INSL6: variants seen among roughly 807,000 people sequenced by gnomAD.
The protein encoded by INSL6 is insulin-like peptide INSL6.
Under a neutral mutation model 9.4 loss-of-function variants are expected in INSL6, and 16 were observed. That is an observed-to-expected ratio of 1.70 (90% CI 1.15 to 2.59). The LOEUF (loss-of-function observed/expected upper bound fraction) is 2.59. Ranked by LOEUF, INSL6 falls within the 30% of genes most tolerant of loss-of-function variation. INSL6 has a pLI of 0.00. For synonymous variants in INSL6, 154 were observed against 96.9 expected (o/e 1.59, Z -3.46); for missense variants, 391 against 257.3 (o/e 1.52, Z -3.56).
chr9:5,147,480 C>A (rs746534296), intron 2 of INSL6, among the ~76,000 whole-genome samples: 8 of 152,184 alleles, frequency 5.3e-5, no homozygotes, highest in Non-Finnish European at 1.2e-4. Context: ...CAAGTTGCTA[C>A]TGGCTTGATA....
At chr9:5,135,550 T>C (rs1824373897) in intron 2 of INSL6, among the ~76,000 whole-genome samples, 1 of 152,016 alleles carries the variant, frequency 6.6e-6, no homozygotes, top group Non-Finnish European at 1.5e-5. Context: ...TGAAGGCAGA[T>C]ATAAAGATGT....
At chr9:5,090,959 A>G in the INSL6 span, 2 of 1,274,194 alleles carry the variant, frequency 1.6e-6, no homozygotes, top group Non-Finnish European at 2.2e-6. Context: ...CACAGACTTC[A>G]AACTTTATTG....
chr9:5,103,849 A>C, the INSL6 span, among the ~76,000 whole-genome samples: 5 of 152,230 alleles, frequency 3.3e-5, no homozygotes, highest in African/African-American at 1.2e-4. Context: ...GACAGATATA[A>C]AGATGTTCTT....
At chr9:5,081,476 C>T in the INSL6 span, among the ~76,000 whole-genome samples, 2 of 152,258 alleles carry the variant, frequency 1.3e-5, no homozygotes, top group East Asian at 3.9e-4. Flanking sequence ...TATTACCTTA[C>T]TTTATGAATA....
At chr9:5,176,392 T>C (rs1251310063) in intron 1 of INSL6, among the ~76,000 whole-genome samples, 1 of 152,256 alleles carries the variant, frequency 6.6e-6, no homozygotes, top group Admixed American at 6.5e-5. Context: ...TTTCAAATAT[T>C]TACTTAATAA....
At chr9:5,153,763 G>A (rs1162270142) in intron 2 of INSL6, among the ~76,000 whole-genome samples, 10 of 152,116 alleles carry the variant, frequency 6.6e-5, no homozygotes, top group African/African-American at 9.7e-5. Context: ...TACAACTTAC[G>A]AGGGATGTGG....
chr9:5,151,113 G>A (rs1250224554), intron 2 of INSL6, among the ~76,000 whole-genome samples: 1 of 152,120 alleles, frequency 6.6e-6, no homozygotes, highest in African/African-American at 2.4e-5. Context: ...TGGATGATGA[G>A]AAATTAACTA....
the INSL6 span, among the ~76,000 whole-genome samples, chr9:5,106,832 A>G: frequency 6.6e-6 from 1 of 152,166 alleles, no homozygotes; most frequent in African/African-American, 2.4e-5. Context: ...TCTCACTCAT[A>G]GGTGGGAGTT....
chr9:5,048,511 A>C, the INSL6 span, among the ~76,000 whole-genome samples: 1 of 152,144 alleles, frequency 6.6e-6, no homozygotes, highest in Non-Finnish European at 1.5e-5. Context: ...ATCATCTTCT[A>C]CTTAAACAGT....
At chr9:5,041,312 C>A in the INSL6 span, 1 of 789,652 alleles carries the variant, frequency 1.3e-6, no homozygotes, top group Non-Finnish European at 2.1e-6. Context: ...GAAGCACATC[C>A]CGTGCAGCCA....
the INSL6 span, among the ~76,000 whole-genome samples, chr9:5,051,089 T>G: frequency 1.3e-5 from 2 of 152,134 alleles, no homozygotes; most frequent in African/African-American, 4.8e-5. Context: ...ATGTTGACGT[T>G]CAAAAAGTTC....
intron 1 of INSL6, among the ~76,000 whole-genome samples, chr9:5,178,524 T>A (rs956673506): frequency 6.6e-6 from 1 of 152,184 alleles, no homozygotes; most frequent in African/African-American, 2.4e-5. Context: ...AGAGCTCTGA[T>A]CTCACTCTGG....
Position 5,185,377 on chromosome 9 carries a change from T to G in INSL6, c.226A>C (p.Ser76Arg). Residue 76 changes from serine (S) to arginine (R), a missense_variant, in exon 1 of 2, where the codon AGC becomes CGC. Physicochemically the swap from Ser to Arg is moderately radical, Grantham distance 110 (BLOSUM62 -1). Transcript: ENST00000381641. ...TGCGGGCTTTCGAACTGGTATGGGC[T>G]GTAGGCTTCGACCTTCTCCGAGGCC... ...AQASEKVEAY[S>R]PYQFESPQTA... is the part of the protein sequence containing the mutation. 6.2e-7 allele frequency: 1 copy of G among 1,614,130 alleles called. No individual in the cohort carries two copies. The highest frequency in any genetic ancestry group is 8.5e-7 in the Non-Finnish European group (1 of 1,180,004).
chr9:5,173,280 G>T (rs147028058), intron 1 of INSL6, among the ~76,000 whole-genome samples: 1 of 152,100 alleles, frequency 6.6e-6, no homozygotes, highest in African/African-American at 2.4e-5. Context: ...TATACCCAAA[G>T]GAATATAAAT....
the INSL6 span, chr9:5,111,139 G>T: frequency 1.0e-6 from 1 of 991,976 alleles, no homozygotes; most frequent in Non-Finnish European, 1.5e-6. Flanking sequence ...GACGTTCAGC[G>T]AAGGCGCTCA....
At chr9:5,067,908 C>G in the INSL6 span, among the ~76,000 whole-genome samples, 1 of 151,988 alleles carries the variant, frequency 6.6e-6, no homozygotes, top group African/African-American at 2.4e-5. Flanking sequence ...AATACCAGCA[C>G]TTTAGGAGGC....
At chr9:5,123,054 T>G (rs1823735564), downstream of INSL6, 1 of 1,611,752 alleles carries the variant, frequency 6.2e-7, no homozygotes, top group Non-Finnish European at 8.5e-7. Context: ...GCCTCAGATG[T>G]TTGGAGCTTT....
chr9:5,164,251 C>T lies in INSL6; in HGVS notation c.304G>A (p.Glu102Lys), dbSNP rs997608073. ...RGTNPVSTSW[E>K]EAVNSWEMQS... ...ATTTCCCAACTGTTTACTGCTTCTT[C>T]CCAAGAAGTAGACACTGTTGAGAGA... Residue 102 changes from glutamate (E) to lysine (K), a missense_variant, in exon 2 of 2, where the codon GAA becomes AAA. Physicochemically the swap from Glu to Lys is moderately conservative, Grantham distance 56 (BLOSUM62 1). Coordinates refer to ENST00000381641, the MANE Select transcript of INSL6 (RefSeq NM_007179.3). The T allele has an allele frequency of 6.2e-7, 1 of 1,601,562 alleles. No individual in the cohort carries two copies. Among genetic ancestry groups the T allele is most frequent in the South Asian group, 1.1e-5 (1 of 89,152 alleles).
chr9:5,052,253 C>A, the INSL6 span, among the ~76,000 whole-genome samples: 5 of 152,076 alleles, frequency 3.3e-5, no homozygotes, highest in South Asian at 2.1e-4. Context: ...ATTGTAGTTT[C>A]TTCCAGTTTG....
Sources: gnomAD v4.1 joint callset for allele counts (sites outside exome capture counted in the v4.1 genomes callset) on GRCh38, gnomAD v4.1.1 for gene constraint, MANE v1.5 for transcripts, NCBI Gene and HGNC (gene_info 2026-07-23, HGNC 2026-07-21) for gene names.